SHPRH: variants seen among roughly 807,000 people sequenced by gnomAD.
SHPRH encodes the protein SNF2 histone linker PHD RING helicase.
In SHPRH, 106 loss-of-function variants were observed where a neutral mutation model predicts 202.5. The ratio of observed to expected loss-of-function variants is 0.52; its 90% CI spans 0.45 to 0.62. The LOEUF is 0.62. Among genes scored for constraint, SHPRH ranks in the 20% least tolerant of loss-of-function variants. The pLI is 0.00. For synonymous variants in SHPRH, 729 were observed against 686.0 expected, an observed-to-expected ratio of 1.06 and a Z score of -0.98; for missense variants, 1,710 against 2,020.0, an observed-to-expected ratio of 0.85 and a Z score of 2.94.
rs553415728 is a variant in SHPRH, at chr6:145,877,815, T to G, written c.221+10205A>C. The G allele has an allele frequency of 4.6e-5, 7 of 152,364 alleles. No individual in the cohort carries two copies. The South Asian group carries it at 1.4e-3, about 32-fold the overall frequency. The allele number at this position is 152,364 out of a possible 1,614,324, so 9.4% of individuals were successfully genotyped here. A position where few individuals can be genotyped will look rare whatever the true frequency, so the allele number is the denominator to read the frequency against. On this transcript the variant is annotated intron_variant, in intron 2 of 2. Coordinates refer to the SHPRH transcript ENST00000417762. ...ATTCCTTTCTATTGATCCCAAGTCT[T>G]TAGACAAATTCAACCAACTGTCCAC...
chr6:145,915,071 T>C (rs994881490), intron 23 of SHPRH, among the ~76,000 whole-genome samples: 2 of 148,134 alleles, frequency 1.4e-5, no homozygotes, highest in Non-Finnish European at 3.0e-5. Flanking sequence ...TTACATTATT[T>C]TAATAAATTT....
chr6:145,862,291 T>C (rs12174838), downstream of SHPRH, among the ~76,000 whole-genome samples: 3 of 146,356 alleles, frequency 2.0e-5, no homozygotes, highest in East Asian at 4.0e-4. Context: ...CTACTAAAAA[T>C]ACAAAAAAAA....
chr6:145,860,863 T>G (rs908528433), downstream of SHPRH, among the ~76,000 whole-genome samples: 1 of 152,128 alleles, frequency 6.6e-6, no homozygotes, highest in Admixed American at 6.5e-5. Flanking sequence ...TGCCAACTGA[T>G]CTTTGACAAG....
At chr6:145,936,523 C>T (rs2128770210) in intron 11 of SHPRH, among the ~76,000 whole-genome samples, 1 of 152,012 alleles carries the variant, frequency 6.6e-6, no homozygotes, top group Non-Finnish European at 1.5e-5. Context: ...GACAGGGCTT[C>T]CCTATGTTGC....
At chr6:145,858,316 A>G in the SHPRH span, among the ~76,000 whole-genome samples, 1 of 152,144 alleles carries the variant, frequency 6.6e-6, no homozygotes, top group South Asian at 2.1e-4. Flanking sequence ...GAACATAAAC[A>G]TCAACAGATG....
In SHPRH at chr6:145,943,364, G is replaced by A; in HGVS notation, c.2017C>T (p.Pro673Ser). 1.9e-6 allele frequency: 3 copies of A among 1,613,920 alleles called. No homozygotes were observed. The South Asian group carries it at 3.3e-5, about 18-fold the overall frequency. ...TGACACTTCAGGCATTGAACACGAG[G>A]CTTACGATCTATCTGATCAAGTTCA... is the stretch of plus-strand genomic sequence containing the variant. ...CGELDQIDRK[P>S]RVQCLKCHLW... The change falls in exon 9 of 30, where the codon CCT (proline) becomes TCT (serine). Residue 673 changes from proline (P) to serine (S), a missense_variant. Physicochemically the swap from Pro to Ser is moderately conservative, Grantham distance 74 (BLOSUM62 -1). Around this residue, in one of 8 missense-constraint regions of SHPRH, gnomAD observed 348 missense variants for 356.9 expected, o/e 0.97. Transcript: ENST00000275233.
Position 145,945,541 on chromosome 6 carries a change from C to T in SHPRH, c.1418G>A (p.Arg473Lys), listed in dbSNP as rs1255046723. Reference sequence around the variant, plus strand: ...ACTCCTGTTCCGTTGAACATCGTATCTATATATAGAACTGACATACTTATA... The same window carrying T: ...ACTCCTGTTCCGTTGAACATCGTATTTATATATAGAACTGACATACTTATA... The part of the protein sequence containing the change: ...SIYKYVSSIY[R>K]YDVQRNRSLL... The change falls in exon 8 of 30, where the codon AGA (arginine) becomes AAA (lysine). Residue 473 changes from arginine to lysine, a missense_variant. By Grantham distance (26) the Arg-to-Lys change is conservative. Around this residue, in one of 8 missense-constraint regions of SHPRH, gnomAD observed 348 missense variants for 356.9 expected, o/e 0.97. Coordinates refer to ENST00000275233, the MANE Select transcript of SHPRH (RefSeq NM_001042683.3). The T allele has an allele frequency of 6.2e-7, 1 of 1,613,180 alleles. No individual in the cohort carries two copies. Among genetic ancestry groups the T allele is most frequent in the Non-Finnish European group, 8.5e-7 (1 of 1,179,576 alleles).
chr6:145,909,267 C>T (rs1229050824), intron 25 of SHPRH: 6 of 152,106 alleles, frequency 3.9e-5, no homozygotes, highest in Non-Finnish European at 8.8e-5. Flanking sequence ...AACTCCTTCA[C>T]CAATCTCCAC....
At chr6:145,879,689 T>A (rs1780463865) in intron 2 of SHPRH, among the ~76,000 whole-genome samples, 2 of 152,010 alleles carry the variant, frequency 1.3e-5, no homozygotes, top group African/African-American at 4.8e-5. Context: ...GGCAGGTGGA[T>A]CTCCTGAGGT....
At chr6:145,900,181 T>A (rs1362276094) in intron 25 of SHPRH, among the ~76,000 whole-genome samples, 1 of 152,182 alleles carries the variant, frequency 6.6e-6, no homozygotes, top group African/African-American at 2.4e-5. Flanking sequence ...TAAATCAGCA[T>A]GTGGAAGAGA....
At chr6:145,949,715 A>G (rs1180820371) in intron 4 of SHPRH, among the ~76,000 whole-genome samples, 1 of 152,060 alleles carries the variant, frequency 6.6e-6, no homozygotes, top group Non-Finnish European at 1.5e-5. Context: ...TTACCCCCAC[A>G]AAGTTATTGA....
chr6:145,881,332 G>A (rs1364070754), downstream of SHPRH, among the ~76,000 whole-genome samples: 1 of 152,184 alleles, frequency 6.6e-6, no homozygotes, highest in Non-Finnish European at 1.5e-5. Flanking sequence ...CATGGCTGGG[G>A]AGGCCTCACA....
chr6:145,907,422 CAA>C (rs1783060342), intron 25 of SHPRH: 1 of 152,180 alleles, frequency 6.6e-6, no homozygotes, highest in Non-Finnish European at 1.5e-5. Context: ...GTTTTCCACA[CAA>C]GAGAGATCTT....
intron 24 of SHPRH, among the ~76,000 whole-genome samples, chr6:145,911,962 T>C (rs1162219811): frequency 6.6e-6 from 1 of 152,074 alleles, no homozygotes; most frequent in Non-Finnish European, 1.5e-5. Context: ...AGCAGCACTA[T>C]ATTGTACTTT....
At chr6:145,880,919 T>C (rs1780535234), downstream of SHPRH, among the ~76,000 whole-genome samples, 1 of 152,138 alleles carries the variant, frequency 6.6e-6, no homozygotes, top group Non-Finnish European at 1.5e-5. Context: ...AATAAAAGCT[T>C]CTCACATTCG....
chr6:145,917,486 T>A (rs1421479964), intron 23 of SHPRH: 1 of 152,170 alleles, frequency 6.6e-6, no homozygotes, highest in African/African-American at 2.4e-5. Context: ...GTATATGTTA[T>A]ACCAGTTTCC....
rs116980584 is a variant in SHPRH, at chr6:145,950,197, C to G, written c.982+67G>C. ...GTTTATTTTAATGATCAATTTCACC[C>G]TGCCCTAATTGTCTCTGATGTAATC... is the stretch of plus-strand genomic sequence containing the variant. On this transcript the variant is annotated intron_variant, in intron 4 of 29. Coordinates refer to ENST00000275233, the MANE Select transcript of SHPRH (RefSeq NM_001042683.3). The G allele has an allele frequency of 3.5e-3, 4,652 of 1,324,458 alleles. 109 individuals carry two copies. The East Asian group carries it at 0.065, about 18-fold the overall frequency. The allele number at this position is 1,324,458 out of a possible 1,614,324, so 82.0% of individuals were successfully genotyped here.
In SHPRH at chr6:145,943,285, T is replaced by C. The variant is rs1453630437; in HGVS notation, c.2096A>G (p.Lys699Arg). 1.9e-6 allele frequency: 3 copies of C among 1,613,768 alleles called. 1 individual carries two copies. Among genetic ancestry groups the C allele is most frequent in the Middle Eastern group, 3.3e-4 (2 of 6,062 alleles). Reference sequence around the variant, plus strand: ...AAGGCAGTGGGGGCAGTAAAAAGGCTTGATCTTCAGATTTTTCTCATCATA... The same window carrying C: ...AAGGCAGTGGGGGCAGTAAAAAGGCCTGATCTTCAGATTTTTCTCATCATA... ...VNYDEKNLKI[K>R]PFYCPHCLVA... The change falls in exon 9 of 30, where the codon AAG (lysine) becomes AGG (arginine). Residue 699 changes from lysine to arginine, a missense_variant. Lys to Arg is a conservative substitution (Grantham distance 26). This residue lies in a region of SHPRH where 277 missense variants were observed against 363.0 expected (regional missense o/e 0.76). Coordinates refer to ENST00000275233, the MANE Select transcript of SHPRH (RefSeq NM_001042683.3).
At chr6:145,865,371 TG>T (rs1464366198) in intron 2 of SHPRH, among the ~76,000 whole-genome samples, 2 of 152,238 alleles carry the variant, frequency 1.3e-5, no homozygotes, top group Non-Finnish European at 2.9e-5. Context: ...GATGAAAAGA[TG>T]GTTGCTAAAA....
Sources: gnomAD v4.1 joint callset for allele counts (sites outside exome capture counted in the v4.1 genomes callset) on GRCh38, gnomAD v4.1.1 for gene constraint, gnomAD v4.1.1 regional missense constraint, MANE v1.5 for transcripts, NCBI Gene and HGNC (gene_info 2026-07-23, HGNC 2026-07-21) for gene names.